Variants in SNTG2 observed in about 807,000 individuals in gnomAD.
SNTG2 encodes the protein syntrophin gamma 2, also known as gamma-2-syntrophin.
Under a neutral mutation model 70.9 loss-of-function variants are expected in SNTG2, and 74 were observed. That is an observed-to-expected ratio of 1.04 (90% CI 0.86 to 1.27). SNTG2 has a LOEUF of 1.27. Ranked by LOEUF, SNTG2 falls within the 50% of genes most tolerant of loss-of-function variation. The pLI is 0.00. For synonymous variants in SNTG2, 278 were observed against 273.8 expected (o/e 1.02, Z -0.15); for missense variants, 717 against 690.7 (o/e 1.04, Z -0.43).
At position 981,770 on chromosome 2, in the gene SNTG2, A is replaced by T. The variant is rs970362066; in HGVS notation, c.72+30702A>T. Reference sequence around the variant, plus strand: ...TCCCTACATGAACATGAGTACACACATGCCCCCACACTTGCAAGCAGACAT... The same window carrying T: ...TCCCTACATGAACATGAGTACACACTTGCCCCCACACTTGCAAGCAGACAT... On this transcript the variant is annotated intron_variant, in intron 1 of 16. Transcript: ENST00000308624. Among the ~76,000 whole-genome samples, 165 of 152,360 alleles carry T rather than the reference A, an allele frequency of 1.1e-3. 1 individual carries two copies. Among genetic ancestry groups the T allele is most frequent in the African/African-American group, 3.3e-3 (138 of 41,586 alleles).
intron 1 of SNTG2, among the ~76,000 whole-genome samples, chr2:1,041,384 TTTG>T (rs905488897): frequency 6.6e-6 from 1 of 152,210 alleles, no homozygotes; most frequent in Non-Finnish European, 1.5e-5. Context: ...ATCTACTGTT[TTTG>T]TTGTTGTTGT....
At chr2:1,112,082 CTAAG>C (rs1353705538) in intron 4 of SNTG2, among the ~76,000 whole-genome samples, 1 of 151,624 alleles carries the variant, frequency 6.6e-6, no homozygotes, top group Non-Finnish European at 1.5e-5. Context: ...ATCGTGTGTA[CTAAG>C]TGAGGTTAAA....
chr2:1,100,114 C>A (rs1665686049), intron 4 of SNTG2, among the ~76,000 whole-genome samples: 1 of 151,474 alleles, frequency 6.6e-6, no homozygotes, highest in Non-Finnish European at 1.5e-5. Context: ...AGTGAGAGAG[C>A]TATGCAGGCC....
intron 13 of SNTG2, among the ~76,000 whole-genome samples, chr2:1,266,751 C>CTTTTTTTTTTTTTTTTTTTTTTTTTT (rs59679083): frequency 1.9e-5 from 2 of 107,752 alleles, no homozygotes; most frequent in African/African-American, 7.1e-5. Flanking sequence ...TCATCTTTAT[C>CTTTTTTTTTTTTTTTTTTTTTTTTTT]TTTTTTTTTT....
At chr2:1,222,107 C>CTCTCTCTGTCTCTGTCTCTCTCTG (rs1675193897) in intron 9 of SNTG2, among the ~76,000 whole-genome samples, 1 of 70,620 alleles carries the variant, frequency 1.4e-5, no homozygotes, top group East Asian at 3.9e-4. Flanking sequence ...CTCTCTCTGT[C>CTCTCTCTGTCTCTGTCTCTCTCTG]TCTCTCTGTC....
chr2:1,058,162 G>A (rs1409827721), intron 1 of SNTG2, among the ~76,000 whole-genome samples: 2 of 151,952 alleles, frequency 1.3e-5, no homozygotes, highest in Non-Finnish European at 2.9e-5. Flanking sequence ...ATGATTGTGT[G>A]TCAAAAATTA....
intron 1 of SNTG2, among the ~76,000 whole-genome samples, chr2:960,861 T>G (rs1660326855): frequency 6.6e-6 from 1 of 152,166 alleles, no homozygotes; most frequent in South Asian, 2.1e-4. Context: ...CTGTTGGTTC[T>G]GAAGGGGGTG....
chr2:1,127,257 A>G (rs1221137808), intron 4 of SNTG2, among the ~76,000 whole-genome samples: 1 of 152,180 alleles, frequency 6.6e-6, no homozygotes, highest in Non-Finnish European at 1.5e-5. Flanking sequence ...TTGTAAAAAA[A>G]AAAATCAGTT....
chr2:982,603 G>C (rs1661142524), intron 1 of SNTG2, among the ~76,000 whole-genome samples: 1 of 152,238 alleles, frequency 6.6e-6, no homozygotes, highest in South Asian at 2.1e-4. Context: ...CAGATTGTGA[G>C]ACTAATACCA....
chr2:1,158,172 C>G (rs1670027051), intron 6 of SNTG2: 1 of 152,120 alleles, frequency 6.6e-6, no homozygotes, highest in Non-Finnish European at 1.5e-5. Context: ...TGAATCATTT[C>G]TAATAAAATA....
At chr2:1,199,736 C>T (rs999700034) in intron 8 of SNTG2, among the ~76,000 whole-genome samples, 1 of 151,904 alleles carries the variant, frequency 6.6e-6, no homozygotes, top group African/African-American at 2.4e-5. Flanking sequence ...AACAAACCAG[C>T]TGAAAAATAA....
At chr2:1,224,432 C>T (rs1675622416) in intron 9 of SNTG2, among the ~76,000 whole-genome samples, 1 of 152,216 alleles carries the variant, frequency 6.6e-6, no homozygotes, top group Admixed American at 6.5e-5. Context: ...TTTGACCTGG[C>T]TTCCCAGCCT....
At chr2:1,352,054 C>G (rs1379422815) in intron 16 of SNTG2, among the ~76,000 whole-genome samples, 2 of 152,202 alleles carry the variant, frequency 1.3e-5, no homozygotes, top group Non-Finnish European at 2.9e-5. Context: ...AGAGTCCCCT[C>G]TCTGACAGTC....
chr2:1,244,012 C>G (rs1286824464), intron 11 of SNTG2, among the ~76,000 whole-genome samples: 1 of 152,166 alleles, frequency 6.6e-6, no homozygotes, highest in African/African-American at 2.4e-5. Flanking sequence ...GGCGACAGAG[C>G]AAGACTCTGG....
chr2:1,045,619 C>T (rs970170977), intron 1 of SNTG2, among the ~76,000 whole-genome samples: 1 of 152,136 alleles, frequency 6.6e-6, no homozygotes, highest in African/African-American at 2.4e-5. Context: ...TGATTTCTGA[C>T]TTAATTTCAT....
At chr2:958,302 A>G (rs890840795) in intron 1 of SNTG2, among the ~76,000 whole-genome samples, 1 of 152,242 alleles carries the variant, frequency 6.6e-6, no homozygotes, top group Admixed American at 6.5e-5. Flanking sequence ...AATCAGAATC[A>G]GGAGGAATAT....
chr2:1,076,131 T>G (rs1416361727), intron 1 of SNTG2, among the ~76,000 whole-genome samples: 1 of 152,212 alleles, frequency 6.6e-6, no homozygotes, highest in African/African-American at 2.4e-5. Flanking sequence ...ATACCACCAG[T>G]ATACAGATGT....
intron 1 of SNTG2, among the ~76,000 whole-genome samples, chr2:1,010,484 C>T (rs1051373138): frequency 6.6e-6 from 1 of 152,154 alleles, no homozygotes; most frequent in African/African-American, 2.4e-5. Flanking sequence ...ATCACTCAAG[C>T]ATTTATCTGA....
chr2:1,241,206 T>C (rs1033912599), intron 11 of SNTG2, among the ~76,000 whole-genome samples: 1 of 152,216 alleles, frequency 6.6e-6, no homozygotes, highest in Non-Finnish European at 1.5e-5. Context: ...TATTTCTCAG[T>C]GTTGGCTGCT....
Sources: allele counts gnomAD v4.1 joint callset (sites outside exome capture counted in the v4.1 genomes callset), GRCh38; gene constraint gnomAD v4.1.1; transcripts MANE v1.5; gene names NCBI Gene and HGNC (gene_info 2026-07-23, HGNC 2026-07-21).